The following SLC23A2 variants were observed in gnomAD, a reference collection of about 807,000 sequenced individuals.
SLC23A2 encodes solute carrier family 23 member 2, also known as Na(+)/L-ascorbic acid transporter 2.
A neutral mutation model predicts 73.3 loss-of-function variants in SLC23A2; 36 were observed. The observed-to-expected ratio is 0.49, with a 90% CI of 0.38 to 0.65. The LOEUF is 0.65. Among genes scored for constraint, SLC23A2 ranks in the 30% least tolerant of loss-of-function variants. The pLI is 0.00. For synonymous variants in SLC23A2, 343 were observed against 327.3 expected (o/e 1.05, Z -0.52); for missense variants, 507 against 841.6 (o/e 0.60, Z 4.92).
chr20:5,004,929 G>T (rs2088173963), upstream of SLC23A2, among the ~76,000 whole-genome samples: 1 of 151,824 alleles, frequency 6.6e-6, no homozygotes, highest in Non-Finnish European at 1.5e-5. Flanking sequence ...AACCCAGGAG[G>T]TGGAGGTTGC....
At chr20:4,897,671 A>G (rs1931594919) in intron 6 of SLC23A2, among the ~76,000 whole-genome samples, 1 of 152,144 alleles carries the variant, frequency 6.6e-6, no homozygotes, top group Non-Finnish European at 1.5e-5. Flanking sequence ...AGTGGGCAAG[A>G]TGATGCCCTC....
chr20:4,920,154 G>A (rs1293104527), intron 3 of SLC23A2, among the ~76,000 whole-genome samples: 2 of 152,160 alleles, frequency 1.3e-5, no homozygotes, highest in Admixed American at 6.5e-5. Flanking sequence ...CTAGCTACTT[G>A]GGAGACTGAG....
chr20:4,939,862 T>C (rs955313737), intron 2 of SLC23A2, among the ~76,000 whole-genome samples: 6 of 152,072 alleles, frequency 3.9e-5, no homozygotes, highest in Admixed American at 6.6e-5. Context: ...CTGAGGGACA[T>C]AAAAAGGATT....
At position 4,994,451 on chromosome 20, in the gene SLC23A2, C is replaced by G. The variant is rs137999287; in HGVS notation, c.-282+6955G>C. Among the ~76,000 whole-genome samples, 12 of 152,124 alleles carry G rather than the reference C, an allele frequency of 7.9e-5. No individual in the cohort carries two copies. In the East Asian group the frequency reaches 1.9e-3, roughly 25 times the overall value. Reference sequence around the variant, plus strand: ...TGGAGAGGAGTCAATAAAGCCAAACCGAATTTGAGGCTGAAATCCCATCTA... The same window carrying G: ...TGGAGAGGAGTCAATAAAGCCAAACGGAATTTGAGGCTGAAATCCCATCTA... On this transcript the variant is annotated intron_variant, in intron 1 of 16. Coordinates refer to ENST00000338244, the MANE Select transcript of SLC23A2 (RefSeq NM_005116.6).
Position 4,902,590 on chromosome 20 carries a change from A to G in SLC23A2, c.208-32T>C, listed in dbSNP as rs368512090. 137 of 1,310,352 alleles carry G rather than the reference A, an allele frequency of 1.0e-4. No individual in the cohort carries two copies. The highest frequency in any genetic ancestry group is 1.3e-4 in the Non-Finnish European group (121 of 915,926). The allele number at this position is 1,310,352 out of a possible 1,614,324, so 81.2% of individuals were successfully genotyped here. A position where few individuals can be genotyped will look rare whatever the true frequency, so the allele number is the denominator to read the frequency against. ...GCCAGAAGGAGAAAAGAAGGTGCTC[A>G]TTAAACGTGAAGACCAGTGTTAGCT... On this transcript the variant is annotated intron_variant, in intron 4 of 16. Coordinates refer to ENST00000338244, the MANE Select transcript of SLC23A2 (RefSeq NM_005116.6). The surrounding 1 kb of genome is among the most constrained non-coding windows in gnomAD (Gnocchi z 4.0).
chr20:4,990,652 C>A (rs1277637812), intron 1 of SLC23A2, among the ~76,000 whole-genome samples: 1 of 143,300 alleles, frequency 7.0e-6, no homozygotes, highest in South Asian at 2.4e-4. Context: ...GGATTTCAGG[C>A]GTGAGCCACT....
intron 3 of SLC23A2, among the ~76,000 whole-genome samples, chr20:4,925,511 A>G (rs1206421309): frequency 2.0e-5 from 3 of 152,128 alleles, no homozygotes; most frequent in Non-Finnish European, 4.4e-5. Flanking sequence ...CCCAATAACC[A>G]TCTGCTGAAT....
At chr20:4,869,864 G>C (rs888777049) in intron 12 of SLC23A2, 42 bp downstream of exon 12, 1 of 1,566,602 alleles carries the variant, frequency 6.4e-7, no homozygotes, top group East Asian at 2.3e-5. Flanking sequence ...AAAGTAACAA[G>C]GTGCTGGGAC....
chr20:4,857,895 C>T lies in SLC23A2; in HGVS notation c.1721-691G>A, dbSNP rs1406998188. 6.6e-6 allele frequency among the ~76,000 whole-genome samples: 1 copy of T among 152,118 alleles called. No homozygotes were observed. The highest frequency in any genetic ancestry group is 2.4e-5 in the African/African-American group (1 of 41,404). ...GCAGTGAGCTGAGATCATGCCATTG[C>T]ACTCTAGCCTGGGCAACAGAGCAAG... On this transcript the variant is annotated intron_variant, in intron 16 of 16. Transcript: ENST00000338244. This position sits in a 1 kb window ranked among gnomAD's most constrained non-coding sequence, Gnocchi z 4.0.
chr20:4,960,439 C>G (rs1473133890), intron 2 of SLC23A2, among the ~76,000 whole-genome samples: 1 of 152,180 alleles, frequency 6.6e-6, no homozygotes, highest in Non-Finnish European at 1.5e-5. Flanking sequence ...CAGATGAAGA[C>G]AGTCATTCTG....
chr20:4,972,718 T>C (rs1487016465), intron 1 of SLC23A2, among the ~76,000 whole-genome samples: 1 of 152,148 alleles, frequency 6.6e-6, no homozygotes, highest in Admixed American at 6.5e-5. Flanking sequence ...CCCGAGCAGC[T>C]GGGATTACAG....
At chr20:4,965,291 T>C (rs1240923340) in intron 2 of SLC23A2, among the ~76,000 whole-genome samples, 1 of 152,184 alleles carries the variant, frequency 6.6e-6, no homozygotes, top group Non-Finnish European at 1.5e-5. Context: ...GCGCTCTTCA[T>C]ACTCGGTAAA....
Position 4,856,938 on chromosome 20 carries a change from C to T in SLC23A2, c.*34G>A, listed in dbSNP as rs1253979895. 7.3e-7 allele frequency: 1 copy of T among 1,369,606 alleles called. No individual in the cohort carries two copies. Among genetic ancestry groups the T allele is most frequent in the Non-Finnish European group, 1.0e-6 (1 of 963,874 alleles). The allele number at this position is 1,369,606 out of a possible 1,614,324, so 84.8% of individuals were successfully genotyped here. A position where few individuals can be genotyped will look rare whatever the true frequency, so the allele number is the denominator to read the frequency against. ...TCAGCAAGGAACTACAGATACATGCCTCACTGCGGCCAGGCCACAGGGCAC... is the reference window on the plus strand; with the variant it reads ...TCAGCAAGGAACTACAGATACATGCTTCACTGCGGCCAGGCCACAGGGCAC... On this transcript the variant is annotated 3_prime_UTR_variant, in exon 17 of 17. Transcript: ENST00000338244. This position sits in a 1 kb window ranked among gnomAD's most constrained non-coding sequence, Gnocchi z 4.6.
chr20:4,953,107 A>G (rs1600167202), intron 2 of SLC23A2, among the ~76,000 whole-genome samples: 2 of 152,094 alleles, frequency 1.3e-5, no homozygotes, highest in South Asian at 4.2e-4. Context: ...AGAAATCCAG[A>G]CCACCCTGTC....
intron 1 of SLC23A2, among the ~76,000 whole-genome samples, chr20:4,987,997 A>T (rs1228765720): frequency 3.0e-5 from 3 of 99,538 alleles, no homozygotes; most frequent in Non-Finnish European, 6.8e-5. Flanking sequence ...ACGATGCATT[A>T]AAAAAAAAAA....
chr20:4,894,286 C>T (rs1459115977), intron 6 of SLC23A2, among the ~76,000 whole-genome samples: 1 of 152,016 alleles, frequency 6.6e-6, no homozygotes, highest in Non-Finnish European at 1.5e-5. Context: ...TGAGGAAGGG[C>T]CGTGAGGAAG....
intron 2 of SLC23A2, among the ~76,000 whole-genome samples, chr20:4,966,661 T>C (rs1037154671): frequency 6.6e-6 from 1 of 152,138 alleles, no homozygotes; most frequent in African/African-American, 2.4e-5. Flanking sequence ...TACCTCAAAA[T>C]TACATATGTG....
chr20:4,931,068 G>GA (rs758041566), intron 3 of SLC23A2, among the ~76,000 whole-genome samples: 12,824 of 74,988 alleles, frequency 0.17, 1,537 homozygotes, highest in Non-Finnish European at 0.23. Flanking sequence ...ATTTTTTTAA[G>GA]AAAAAAAAAA....
intron 4 of SLC23A2, among the ~76,000 whole-genome samples, chr20:4,906,691 C>T (rs1029306067): frequency 2.1e-4 from 32 of 152,172 alleles, no homozygotes; most frequent in African/African-American, 7.7e-4. Flanking sequence ...TTATTCTTTT[C>T]AACAAGCCAG....
Sources: allele counts gnomAD v4.1 joint callset (sites outside exome capture counted in the v4.1 genomes callset), GRCh38; gene constraint gnomAD v4.1.1; non-coding constraint Gnocchi (gnomAD v3.1); transcripts MANE v1.5; gene names NCBI Gene and HGNC (gene_info 2026-07-23, HGNC 2026-07-21).